MAP2K5: variants seen among roughly 807,000 people sequenced by gnomAD.
MAP2K5 encodes the protein dual specificity mitogen-activated protein kinase kinase 5.
MAP2K5 carries 49 observed loss-of-function variants against 83.1 expected under a neutral mutation model. The ratio of observed to expected loss-of-function variants is 0.59; its 90% confidence interval spans 0.47 to 0.75. The LOEUF is 0.75. MAP2K5 is among the 30% of genes least tolerant of loss of function. The pLI, the probability that MAP2K5 is intolerant of heterozygous loss-of-function variation, is 0.00. For missense variants in MAP2K5, 457 were observed against 557.5 expected (o/e 0.82, Z 1.82); for synonymous variants, 202 against 191.8 (o/e 1.05, Z -0.44).
At chr15:67,571,313 A>C (rs2084942861) in intron 3 of MAP2K5, among the ~76,000 whole-genome samples, 1 of 152,218 alleles carries the variant, frequency 6.6e-6, no homozygotes, top group South Asian at 2.1e-4. Flanking sequence ...AGAGGAAATA[A>C]AATATACAAG....
At chr15:67,654,930 T>C (rs986237688) in intron 11 of MAP2K5, among the ~76,000 whole-genome samples, 2 of 151,956 alleles carry the variant, frequency 1.3e-5, no homozygotes, top group Non-Finnish European at 2.9e-5. Flanking sequence ...CTGGACTCAG[T>C]GGTGCATGCC....
At chr15:67,607,638 T>A (rs2085809745) in intron 8 of MAP2K5, among the ~76,000 whole-genome samples, 1 of 152,230 alleles carries the variant, frequency 6.6e-6, no homozygotes, top group Non-Finnish European at 1.5e-5. Context: ...GAAGTATTGA[T>A]CATTTTCTGC....
chr15:67,787,653 C>T (rs976982525), intron 21 of MAP2K5, among the ~76,000 whole-genome samples: 5 of 152,038 alleles, frequency 3.3e-5, no homozygotes, highest in African/African-American at 4.8e-5. Flanking sequence ...ATCAAAGCCT[C>T]GAAACAATTA....
At chr15:67,643,124 T>C (rs2086750446) in intron 9 of MAP2K5, among the ~76,000 whole-genome samples, 1 of 152,166 alleles carries the variant, frequency 6.6e-6, no homozygotes, top group East Asian at 1.9e-4. Context: ...TCAAGTGCCC[T>C]AGGTATTACG....
intron 16 of MAP2K5, among the ~76,000 whole-genome samples, chr15:67,705,618 C>T (rs1458348640): frequency 6.6e-6 from 1 of 152,048 alleles, no homozygotes; most frequent in Non-Finnish European, 1.5e-5. Flanking sequence ...CACCTGTAAT[C>T]CCAGCTACTC....
chr15:67,806,087 G>A (rs529335089), intron 21 of MAP2K5, among the ~76,000 whole-genome samples: 1 of 152,326 alleles, frequency 6.6e-6, no homozygotes, highest in South Asian at 2.1e-4. Context: ...GAGATCCTGT[G>A]CACAGCCCAG....
At chr15:67,737,695 A>G (rs1415984454) in intron 17 of MAP2K5, among the ~76,000 whole-genome samples, 1 of 152,128 alleles carries the variant, frequency 6.6e-6, no homozygotes, top group African/African-American at 2.4e-5. Context: ...CTGTTTATGC[A>G]CAGAGCCAAG....
chr15:67,761,947 GA>G (rs1207684048), intron 19 of MAP2K5, among the ~76,000 whole-genome samples: 1 of 152,106 alleles, frequency 6.6e-6, no homozygotes. Context: ...TTTTCCTGAG[GA>G]AAAAAGTTGA....
chr15:67,766,622 C>G (rs1486865510), intron 19 of MAP2K5, among the ~76,000 whole-genome samples: 1 of 152,198 alleles, frequency 6.6e-6, no homozygotes, highest in African/African-American at 2.4e-5. Context: ...GTATGCCTCC[C>G]TCCTCACAGA....
At chr15:67,723,013 A>T (rs1244287814) in intron 16 of MAP2K5, among the ~76,000 whole-genome samples, 1 of 152,154 alleles carries the variant, frequency 6.6e-6, no homozygotes, top group Non-Finnish European at 1.5e-5. Context: ...AGAACTGTAA[A>T]TTTAAAACTA....
chr15:67,657,534 T>G lies in MAP2K5; in HGVS notation c.737-1019T>G, dbSNP rs1596736383. Among the ~76,000 whole-genome samples the G allele has an allele frequency of 3.3e-5, 5 of 152,244 alleles. No individual in the cohort carries two copies. In the South Asian group the frequency reaches 1.0e-3, roughly 32 times the overall value. The stretch of plus-strand genomic sequence containing the variant: ...TGTAATTTTGGTAAATAAGGGTGGT[T>G]CAGTTCATATCAGAAGTGTCTTTTT... On this transcript the variant is annotated intron_variant, in intron 11 of 21. Transcript: ENST00000178640.
rs968911099 is a variant in MAP2K5, at chr15:67,652,296, A to G, written c.736+5827A>G. 6.6e-6 allele frequency among the ~76,000 whole-genome samples: 1 copy of G among 152,138 alleles called. No individual in the cohort carries two copies. Among genetic ancestry groups the G allele is most frequent in the African/African-American group, 2.4e-5 (1 of 41,428 alleles). On this transcript the variant is annotated intron_variant, in intron 11 of 21. Transcript: ENST00000178640. This position sits in a 1 kb window ranked among gnomAD's most constrained non-coding sequence, Gnocchi z 4.2. Reference sequence around the variant, plus strand: ...ACCTTATTAGCCATGATATTAGTCCATCTTGTGTTGCTATAAAGGAATACC... The same window carrying G: ...ACCTTATTAGCCATGATATTAGTCCGTCTTGTGTTGCTATAAAGGAATACC...
At chr15:67,620,684 ATATGT>A (rs1044820561) in intron 8 of MAP2K5, among the ~76,000 whole-genome samples, 1 of 152,218 alleles carries the variant, frequency 6.6e-6, no homozygotes, top group Admixed American at 6.5e-5. Flanking sequence ...GGAGAAAATA[ATATGT>A]TAAGATGAGA....
rs2090412224 is a variant in MAP2K5, at chr15:67,786,106, T to A, written c.1242+13354T>A. ...GAGACATACATGGGGCACGAGGTCA[T>A]TCAGCCTCTTTGGGTCATGATTTTC... On this transcript the variant is annotated intron_variant, in intron 21 of 21. Transcript: ENST00000178640. The surrounding 1 kb of genome is among the most constrained non-coding windows in gnomAD (Gnocchi z 4.7). Among the ~76,000 whole-genome samples the A allele has an allele frequency of 6.6e-6, 1 of 152,118 alleles. No homozygotes were observed. Among genetic ancestry groups the A allele is most frequent in the Admixed American group, 6.5e-5 (1 of 15,274 alleles).
At position 67,746,009 on chromosome 15, in the gene MAP2K5, T is replaced by C. The variant is rs1388305870; in HGVS notation, c.1075-2222T>C. On this transcript the variant is annotated intron_variant, in intron 17 of 21. Coordinates refer to ENST00000178640, the MANE Select transcript of MAP2K5 (RefSeq NM_145160.3). This position sits in a 1 kb window ranked among gnomAD's most constrained non-coding sequence, Gnocchi z 4.1. The stretch of plus-strand genomic sequence containing the variant: ...CTCTTTAAAAACCTGGGCAAAACAG[T>C]ATAGTTATAAGATTATAAAAAAAGA... Among the ~76,000 whole-genome samples, 1 of 152,182 alleles carries C rather than the reference T, an allele frequency of 6.6e-6. No individual in the cohort carries two copies. Among genetic ancestry groups the C allele is most frequent in the East Asian group, 1.9e-4 (1 of 5,204 alleles).
chr15:67,700,120 G>A lies in MAP2K5; in HGVS notation c.973-3217G>A, dbSNP rs138458050. On this transcript the variant is annotated intron_variant, in intron 15 of 21. Transcript: ENST00000178640. Reference sequence around the variant, plus strand: ...TGGAAGAGATAAGGGATATACCTTGGTATCTTCCTGCTTTTGACAAATATC... The same window carrying A: ...TGGAAGAGATAAGGGATATACCTTGATATCTTCCTGCTTTTGACAAATATC... Among the ~76,000 whole-genome samples, 34 of 152,288 alleles carry A rather than the reference G, an allele frequency of 2.2e-4. No homozygotes were observed. In the East Asian group the frequency reaches 4.2e-3, roughly 19 times the overall value.
chr15:67,714,413 GGAAAAAAAAAAAAAAAAAAAAAAA>G lies in MAP2K5; in HGVS notation c.1044+11006_1044+11029del, dbSNP rs2088779547. On this transcript the variant is annotated intron_variant, in intron 16 of 21. Transcript: ENST00000178640. ...CCCCCCACCCCTACCCAGCTGCCAGGGAAAAAAAAAAAAAAAAAAAAAAAAAAAAAAAAAAAAAAAAACCACCAC... is the reference window on the plus strand; with the variant it reads ...CCCCCCACCCCTACCCAGCTGCCAGGAAAAAAAAAAAAAAAAAACCACCAC... Among the ~76,000 whole-genome samples, 32 of 42,682 alleles carry G rather than the reference GGAAAAAAAAAAAAAAAAAAAAAAA, an allele frequency of 7.5e-4. 1 individual carries two copies. The highest frequency in any genetic ancestry group is 2.0e-3 in the African/African-American group (25 of 12,740). The allele number at this position is 42,682 out of a possible 152,430, so 28.0% of individuals were successfully genotyped here.
rs1432220163 is a variant in MAP2K5, at chr15:67,757,957, C to G, written c.1134+9356C>G. 6.6e-6 allele frequency among the ~76,000 whole-genome samples: 1 copy of G among 152,058 alleles called. No homozygotes were observed. The highest frequency in any genetic ancestry group is 1.5e-5 in the Non-Finnish European group (1 of 68,008). ...CAATAAGAGTTAGCCTTGGAGAGAT[C>G]TGAGGCCCCTGCAGGGAGTTCAGTA... On this transcript the variant is annotated intron_variant, in intron 19 of 21. Transcript: ENST00000178640. The surrounding 1 kb of genome is among the most constrained non-coding windows in gnomAD (Gnocchi z 4.9).
Position 67,779,150 on chromosome 15 carries a change from T to C in MAP2K5, c.1242+6398T>C, listed in dbSNP as rs1183389909. On this transcript the variant is annotated intron_variant, in intron 21 of 21. Coordinates refer to ENST00000178640, the MANE Select transcript of MAP2K5 (RefSeq NM_145160.3). The surrounding 1 kb of genome is among the most constrained non-coding windows in gnomAD (Gnocchi z 4.6). ...TAACTTCAGCTGAGTATTTCCATCA[T>C]GCACAAAAGTCATCACAACAGCAAG... Among the ~76,000 whole-genome samples, 1 of 152,204 alleles carries C rather than the reference T, an allele frequency of 6.6e-6. No individual in the cohort carries two copies. Among genetic ancestry groups the C allele is most frequent in the East Asian group, 1.9e-4 (1 of 5,200 alleles).
Sources: allele counts gnomAD v4.1 joint callset (sites outside exome capture counted in the v4.1 genomes callset), GRCh38; gene constraint gnomAD v4.1.1; non-coding constraint Gnocchi (gnomAD v3.1); transcripts MANE v1.5; gene names NCBI Gene and HGNC (gene_info 2026-07-23, HGNC 2026-07-21).